The following PTPRD variants were observed in gnomAD, a reference collection of about 807,000 sequenced individuals.
The protein encoded by PTPRD is receptor-type tyrosine-protein phosphatase delta.
Under a neutral mutation model 214.5 loss-of-function variants are expected in PTPRD, and 34 were observed. That is an observed-to-expected ratio of 0.16 (90% CI 0.12 to 0.21). The LOEUF is 0.21. PTPRD is among the 10% of genes least tolerant of loss of function. The pLI is 1.00. For synonymous variants in PTPRD, 1,128 were observed against 845.7 expected, an observed-to-expected ratio of 1.33 and a Z score of -5.79; for missense variants, 2,545 against 2,398.7, an observed-to-expected ratio of 1.06 and a Z score of -1.27.
intron 6 of PTPRD, among the ~76,000 whole-genome samples, chr9:9,740,049 T>C (rs1436584810): frequency 6.6e-6 from 1 of 152,200 alleles, no homozygotes; most frequent in African/African-American, 2.4e-5. Context: ...CCTCTGAATG[T>C]ATTGAAACTT....
chr9:9,398,647 A>G (rs1373909568), intron 8 of PTPRD, among the ~76,000 whole-genome samples: 1 of 152,076 alleles, frequency 6.6e-6, no homozygotes, highest in African/African-American at 2.4e-5. Flanking sequence ...TTATTGATAA[A>G]TGATTTTTAG....
chr9:9,121,246 G>A (rs1445460493), intron 10 of PTPRD, among the ~76,000 whole-genome samples: 1 of 152,132 alleles, frequency 6.6e-6, no homozygotes, highest in African/African-American at 2.4e-5. Flanking sequence ...TAATACAGCT[G>A]CTGTGGAAAA....
intron 11 of PTPRD, among the ~76,000 whole-genome samples, chr9:8,914,020 C>T (rs1012362614): frequency 6.6e-6 from 1 of 152,054 alleles, no homozygotes; most frequent in African/African-American, 2.4e-5. Context: ...TCAGTTTGGT[C>T]ATGGATTCAG....
rs183030286 is a variant in PTPRD at position 10,133,483 on chromosome 9, T to C, written c.-544-99693A>G. Among the ~76,000 whole-genome samples the C allele has an allele frequency of 2.0e-5, 3 of 152,178 alleles. 1 individual carries two copies. Among genetic ancestry groups the C allele is most frequent in the African/African-American group, 7.2e-5 (3 of 41,524 alleles). On this transcript the variant is annotated intron_variant, in intron 3 of 45. Transcript: ENST00000381196. ...AATACAAGAATAAAATATAAAAGCA[T>C]ATACCTGTACGTTATATATAAGTAC...
chr9:8,579,686 G>A (rs966209073), intron 14 of PTPRD, among the ~76,000 whole-genome samples: 6 of 152,226 alleles, frequency 3.9e-5, no homozygotes, highest in African/African-American at 1.2e-4. Context: ...GTAGGGTATT[G>A]ACCAGATCTG....
chr9:8,365,799 T>C (rs1281286703), intron 39 of PTPRD, among the ~76,000 whole-genome samples: 2 of 152,170 alleles, frequency 1.3e-5, no homozygotes, highest in East Asian at 3.9e-4. Flanking sequence ...CTGAGCCCAC[T>C]GGACCAGGAT....
rs562756515 is a variant in PTPRD at position 10,016,171 on chromosome 9, G to A, written c.-472+17547C>T. On this transcript the variant is annotated intron_variant, in intron 4 of 45. Coordinates refer to ENST00000381196, the MANE Select transcript of PTPRD (RefSeq NM_002839.4). ...ATACAATTTTGGGAGGTTTGTATATGTACATTTGTTATTTCTTCTTTTCGG... is the reference window on the plus strand; with the variant it reads ...ATACAATTTTGGGAGGTTTGTATATATACATTTGTTATTTCTTCTTTTCGG... 9.2e-5 allele frequency among the ~76,000 whole-genome samples: 14 copies of A among 152,224 alleles called. 1 individual carries two copies. The South Asian group carries it at 2.7e-3, about 29-fold the overall frequency.
At chr9:9,130,067 T>G (rs2099840276) in intron 10 of PTPRD, among the ~76,000 whole-genome samples, 1 of 152,182 alleles carries the variant, frequency 6.6e-6, no homozygotes, top group African/African-American at 2.4e-5. Context: ...TATTAAGATA[T>G]GCTTGTCTAT....
chr9:8,317,077 T>C lies in PTPRD; in HGVS notation c.*797A>G. ...TCTTTGATTATTTGAAGAGAATGGGTACTTTCTCACCAATCAAAACTGAAG... is the reference window on the plus strand; with the variant it reads ...TCTTTGATTATTTGAAGAGAATGGGCACTTTCTCACCAATCAAAACTGAAG... On this transcript the variant is annotated 3_prime_UTR_variant, in exon 46 of 46. Coordinates refer to ENST00000381196, the MANE Select transcript of PTPRD (RefSeq NM_002839.4). 1 of 230,480 alleles carries C rather than the reference T, an allele frequency of 4.3e-6. No homozygotes were observed. The highest frequency in any genetic ancestry group is 8.6e-6 in the Non-Finnish European group (1 of 116,932). 14.3% of individuals were successfully genotyped at this position (230,480 alleles called of 1,614,324 possible).
chr9:8,941,805 TG>T (rs1219999711), intron 11 of PTPRD, among the ~76,000 whole-genome samples: 22 of 152,024 alleles, frequency 1.4e-4, no homozygotes, highest in African/African-American at 5.3e-4. Flanking sequence ...TTTGTTTGTT[TG>T]TTTGTTTGTT....
chr9:10,426,699 G>A (rs1168151138), intron 2 of PTPRD, among the ~76,000 whole-genome samples: 3 of 152,034 alleles, frequency 2.0e-5, no homozygotes, highest in African/African-American at 4.8e-5. Context: ...TGCTAACAAT[G>A]CCACTTTTGC....
intron 8 of PTPRD, among the ~76,000 whole-genome samples, chr9:9,508,057 T>C (rs1321305118): frequency 6.6e-6 from 1 of 151,630 alleles, no homozygotes; most frequent in Non-Finnish European, 1.5e-5. Context: ...ATTTATGTGA[T>C]ATTTTAATAA....
chr9:10,387,728 T>G (rs1322006396), intron 2 of PTPRD, among the ~76,000 whole-genome samples: 1 of 150,900 alleles, frequency 6.6e-6, no homozygotes, highest in East Asian at 2.0e-4. Context: ...CATGACAGCT[T>G]AGCACATTTG....
At chr9:9,172,016 G>A (rs2099921768) in intron 10 of PTPRD, among the ~76,000 whole-genome samples, 1 of 152,096 alleles carries the variant, frequency 6.6e-6, no homozygotes, top group African/African-American at 2.4e-5. Flanking sequence ...AATCTGTTGA[G>A]TAGTTAGTAA....
At chr9:9,445,468 G>T (rs2144780269) in intron 8 of PTPRD, among the ~76,000 whole-genome samples, 1 of 152,222 alleles carries the variant, frequency 6.6e-6, no homozygotes, top group South Asian at 2.1e-4. Flanking sequence ...AACTGCTCGG[G>T]ACTGGATAAT....
intron 14 of PTPRD, among the ~76,000 whole-genome samples, chr9:8,588,197 T>G (rs2093819180): frequency 6.6e-6 from 1 of 152,344 alleles, no homozygotes; most frequent in African/African-American, 2.4e-5. Context: ...TATTTTCCTT[T>G]GGAGGGTTCT....
chr9:9,174,928 A>G (rs978104152), intron 10 of PTPRD, among the ~76,000 whole-genome samples: 2 of 152,234 alleles, frequency 1.3e-5, no homozygotes, highest in South Asian at 2.1e-4. Flanking sequence ...AAGTGGGGCC[A>G]TTGAAAGGTG....
chr9:8,697,541 GCCT>G (rs2097948127), intron 12 of PTPRD, among the ~76,000 whole-genome samples: 1 of 148,186 alleles, frequency 6.7e-6, no homozygotes. Flanking sequence ...TCCTGCCTCA[GCCT>G]CCTGAGTAGC....
chr9:9,020,478 C>A (rs1424803702), intron 10 of PTPRD, among the ~76,000 whole-genome samples: 2 of 151,960 alleles, frequency 1.3e-5, no homozygotes, highest in Non-Finnish European at 2.9e-5. Flanking sequence ...TTAGAAGGTA[C>A]AAAGAAAAGG....
Sources: allele counts gnomAD v4.1 joint callset (sites outside exome capture counted in the v4.1 genomes callset), GRCh38; gene constraint gnomAD v4.1.1; transcripts MANE v1.5; gene names NCBI Gene and HGNC (gene_info 2026-07-23, HGNC 2026-07-21).